Variants in DOCK2 observed in about 807,000 individuals in gnomAD.
DOCK2 encodes the protein dedicator of cytokinesis 2.
A neutral mutation model predicts 248.9 loss-of-function variants in DOCK2; 87 were observed. The observed-to-expected ratio is 0.35, with a 90% CI of 0.29 to 0.42. DOCK2 has a LOEUF of 0.42. DOCK2 is among the 10% of genes least tolerant of loss of function. DOCK2 has a pLI of 1.00. For synonymous variants in DOCK2, 805 were observed against 821.6 expected (o/e 0.98, Z 0.35); for missense variants, 1,747 against 2,300.2 (o/e 0.76, Z 4.92).
chr5:170,007,257 A>C (rs901854727), intron 30 of DOCK2, among the ~76,000 whole-genome samples: 1 of 152,158 alleles, frequency 6.6e-6, no homozygotes, highest in Non-Finnish European at 1.5e-5. Context: ...CTCTTGCTAC[A>C]TACACTGTTG....
intron 22 of DOCK2, among the ~76,000 whole-genome samples, chr5:169,720,601 G>A (rs977514070): frequency 2.6e-5 from 4 of 152,192 alleles, no homozygotes; most frequent in African/African-American, 9.7e-5. Flanking sequence ...ATTATACAGA[G>A]TTTGGAGCAG....
intron 28 of DOCK2, among the ~76,000 whole-genome samples, chr5:169,984,749 A>G (rs1170911509): frequency 1.3e-5 from 2 of 152,170 alleles, no homozygotes; most frequent in African/African-American, 4.8e-5. Context: ...TGAACAAAGA[A>G]TTCTGCTGTT....
chr5:170,021,634 A>C (rs1478608425), intron 33 of DOCK2, among the ~76,000 whole-genome samples: 1 of 152,078 alleles, frequency 6.6e-6, no homozygotes, highest in Non-Finnish European at 1.5e-5. Flanking sequence ...GTGTGCATTC[A>C]TTCTGAGCAT....
At chr5:169,988,707 T>C (rs1286627408) in intron 29 of DOCK2, among the ~76,000 whole-genome samples, 1 of 152,152 alleles carries the variant, frequency 6.6e-6, no homozygotes, top group African/African-American at 2.4e-5. Context: ...AGAAGGAGTT[T>C]CTCCCTGTTG....
chr5:169,830,343 A>C (rs948368992), intron 26 of DOCK2, among the ~76,000 whole-genome samples: 2 of 152,214 alleles, frequency 1.3e-5, no homozygotes, highest in South Asian at 4.1e-4. Context: ...ATTAGAATGA[A>C]TCTTATTTTG....
chr5:169,710,788 G>A (rs1761537804), intron 15 of DOCK2, among the ~76,000 whole-genome samples: 1 of 152,152 alleles, frequency 6.6e-6, no homozygotes, highest in Non-Finnish European at 1.5e-5. Flanking sequence ...TCGAATTGAT[G>A]ACCCGGTCAA....
chr5:169,985,342 T>A (rs973529331), intron 28 of DOCK2, among the ~76,000 whole-genome samples: 4 of 143,476 alleles, frequency 2.8e-5, no homozygotes, highest in African/African-American at 1.0e-4. Flanking sequence ...TCTCAGCTAA[T>A]CTGCTCGTGT....
intron 26 of DOCK2, among the ~76,000 whole-genome samples, chr5:169,837,771 T>C (rs1769680505): frequency 6.6e-6 from 1 of 152,198 alleles, no homozygotes; most frequent in African/African-American, 2.4e-5. Context: ...CAAGTATCTC[T>C]AATCTCAAAA....
intron 30 of DOCK2, among the ~76,000 whole-genome samples, chr5:169,998,745 T>C (rs1754734012): frequency 6.6e-6 from 1 of 152,196 alleles, no homozygotes; most frequent in Admixed American, 6.5e-5. Context: ...GTGCCTGATA[T>C]AGACTTTCAC....
At chr5:169,714,506 C>G (rs775269178) in intron 19 of DOCK2, 49 bp downstream of exon 19, 1 of 1,600,466 alleles carries the variant, frequency 6.2e-7, no homozygotes, top group Admixed American at 1.7e-5. Flanking sequence ...TGACAGAACT[C>G]TCCATGTGGG....
At chr5:169,950,062 C>A (rs921986467) in intron 27 of DOCK2, among the ~76,000 whole-genome samples, 1 of 152,180 alleles carries the variant, frequency 6.6e-6, no homozygotes, top group Non-Finnish European at 1.5e-5. Context: ...AGTGCCATCT[C>A]TTCTGAAGCA....
At chr5:169,641,378 T>C (rs264870) in intron 1 of DOCK2, among the ~76,000 whole-genome samples, 109,322 of 152,150 alleles carry the variant, frequency 0.72, 39,529 homozygotes, top group East Asian at 0.82. Flanking sequence ...AGCTCGTGGT[T>C]CAGGGATGTG....
At chr5:169,821,445 A>AAGAGAG (rs1768432802) in intron 26 of DOCK2, among the ~76,000 whole-genome samples, 1 of 152,192 alleles carries the variant, frequency 6.6e-6, no homozygotes, top group Non-Finnish European at 1.5e-5. Context: ...TACAAGCCAG[A>AAGAGAG]AGAGAGTGGG....
chr5:169,718,938 G>T (rs1247806867), intron 22 of DOCK2, 147 bp downstream of exon 22: 2 of 1,085,432 alleles, frequency 1.8e-6, no homozygotes, highest in African/African-American at 1.6e-5. Flanking sequence ...AGAGAGTAAT[G>T]AATATGTAAT....
rs186368203 is a variant in DOCK2 at position 169,767,375 on chromosome 5, A to G, written c.2554+5750A>G. 6.6e-4 allele frequency among the ~76,000 whole-genome samples: 101 copies of G among 152,254 alleles called. No homozygotes were observed. The Middle Eastern group carries it at 0.017, about 26-fold the overall frequency. ...CTGTTGATAGTTGCTTTTGCTGTTTAGTTTAATTAGGTCCCACTTGTCAAT... is the reference window on the plus strand; with the variant it reads ...CTGTTGATAGTTGCTTTTGCTGTTTGGTTTAATTAGGTCCCACTTGTCAAT... On this transcript the variant is annotated intron_variant, in intron 25 of 51. Transcript: ENST00000520908.
At chr5:169,821,030 T>G (rs1768402711) in intron 26 of DOCK2, among the ~76,000 whole-genome samples, 1 of 152,024 alleles carries the variant, frequency 6.6e-6, no homozygotes, top group East Asian at 1.9e-4. Flanking sequence ...TGATGGAAGA[T>G]CAAATGAATG....
intron 22 of DOCK2, among the ~76,000 whole-genome samples, chr5:169,741,822 T>C (rs1206203946): frequency 1.4e-5 from 2 of 146,540 alleles, no homozygotes; most frequent in South Asian, 2.2e-4. Flanking sequence ...TTTTTTTTTT[T>C]TTTTTGAGAC....
chr5:169,760,095 T>C (rs1764398987), intron 24 of DOCK2, among the ~76,000 whole-genome samples: 2 of 152,180 alleles, frequency 1.3e-5, no homozygotes, highest in South Asian at 4.1e-4. Context: ...GGTTCCACTC[T>C]TTGCCTTGTA....
chr5:169,800,735 C>T (rs1018364720), intron 25 of DOCK2, among the ~76,000 whole-genome samples: 3 of 151,906 alleles, frequency 2.0e-5, no homozygotes, highest in Admixed American at 1.3e-4. Flanking sequence ...TAAGTAAAAA[C>T]AAATGTATTT....
Sources: allele counts gnomAD v4.1 joint callset (sites outside exome capture counted in the v4.1 genomes callset), GRCh38; gene constraint gnomAD v4.1.1; transcripts MANE v1.5; gene names NCBI Gene and HGNC (gene_info 2026-07-23, HGNC 2026-07-21).